GALNT13: variants seen among roughly 807,000 people sequenced by gnomAD.
GALNT13 encodes polypeptide N-acetylgalactosaminyltransferase 13.
In GALNT13, 28 loss-of-function variants were observed where a neutral mutation model predicts 64.2. The observed-to-expected ratio is 0.44, with a 90% CI of 0.32 to 0.60. GALNT13 has a LOEUF of 0.60. GALNT13 is among the 20% of genes least tolerant of loss of function. The pLI is 0.05. For synonymous variants in GALNT13, 214 were observed against 224.6 expected, an observed-to-expected ratio of 0.95 and a Z score of 0.42; for missense variants, 577 against 669.8, an observed-to-expected ratio of 0.86 and a Z score of 1.53.
chr2:153,406,310 A>G, the GALNT13 span, among the ~76,000 whole-genome samples: 1 of 152,168 alleles, frequency 6.6e-6, no homozygotes, highest in African/African-American at 2.4e-5. Context: ...TGAAGTTCAA[A>G]TTTAAAATCT....
the GALNT13 span, among the ~76,000 whole-genome samples, chr2:153,849,894 G>A: frequency 6.6e-6 from 1 of 151,680 alleles, no homozygotes. Flanking sequence ...GGGCGTGGTG[G>A]CTCATGCCTG....
chr2:153,962,942 G>C (rs532197976), intron 3 of GALNT13, among the ~76,000 whole-genome samples: 17 of 152,210 alleles, frequency 1.1e-4, no homozygotes, highest in African/African-American at 4.1e-4. Flanking sequence ...GTGTATCAGC[G>C]GTTCTGTTGC....
intron 4 of GALNT13, among the ~76,000 whole-genome samples, chr2:154,159,766 A>G (rs1335659427): frequency 1.3e-5 from 2 of 152,318 alleles, no homozygotes; most frequent in African/African-American, 4.8e-5. Flanking sequence ...GGATTACTAC[A>G]GTGTGCACTA....
chr2:153,342,881 A>C, the GALNT13 span, among the ~76,000 whole-genome samples: 1 of 152,224 alleles, frequency 6.6e-6, no homozygotes, highest in Non-Finnish European at 1.5e-5. Context: ...AAGACTGTAA[A>C]TATTTTAAAC....
At chr2:153,624,983 C>G in the GALNT13 span, among the ~76,000 whole-genome samples, 2 of 151,738 alleles carry the variant, frequency 1.3e-5, no homozygotes, top group South Asian at 4.2e-4. Context: ...TGAGAAGGCA[C>G]TATGAGAAGA....
chr2:153,417,459 A>G, the GALNT13 span, among the ~76,000 whole-genome samples: 1 of 152,200 alleles, frequency 6.6e-6, no homozygotes, highest in Non-Finnish European at 1.5e-5. Context: ...AGAGAGATGG[A>G]TAAGGAGGAT....
chr2:153,088,254 T>TTATGTA, the GALNT13 span, among the ~76,000 whole-genome samples: 1 of 152,144 alleles, frequency 6.6e-6, no homozygotes, highest in Non-Finnish European at 1.5e-5. Flanking sequence ...TATTTAATTT[T>TTATGTA]TATGTATATG....
chr2:154,121,819 C>T (rs1354289056), intron 3 of GALNT13, among the ~76,000 whole-genome samples: 2 of 151,476 alleles, frequency 1.3e-5, no homozygotes, highest in Admixed American at 6.6e-5. Flanking sequence ...TTATTTCTTT[C>T]TTTCCAATCC....
At chr2:153,182,539 A>G in the GALNT13 span, among the ~76,000 whole-genome samples, 1 of 152,164 alleles carries the variant, frequency 6.6e-6, no homozygotes, top group Non-Finnish European at 1.5e-5. Flanking sequence ...TGCACAGATT[A>G]TCCCAACACC....
the GALNT13 span, among the ~76,000 whole-genome samples, chr2:153,298,913 C>G: frequency 6.6e-6 from 1 of 152,104 alleles, no homozygotes; most frequent in African/African-American, 2.4e-5. Flanking sequence ...ATGAAAATTA[C>G]AGTCACATTT....
At chr2:153,499,650 G>A in the GALNT13 span, among the ~76,000 whole-genome samples, 6 of 152,306 alleles carry the variant, frequency 3.9e-5, no homozygotes, top group Admixed American at 2.0e-4. Context: ...TGTGCTCATC[G>A]CACCCAAATT....
At chr2:153,641,761 A>G in the GALNT13 span, among the ~76,000 whole-genome samples, 1 of 152,158 alleles carries the variant, frequency 6.6e-6, no homozygotes, top group African/African-American at 2.4e-5. Context: ...TTAAGAAAAT[A>G]AAATATTTTC....
chr2:154,374,944 C>T (rs1454883114), intron 9 of GALNT13, among the ~76,000 whole-genome samples: 2 of 152,034 alleles, frequency 1.3e-5, no homozygotes, highest in African/African-American at 4.8e-5. Context: ...CATTCATTTC[C>T]TGGACAGGGA....
chr2:153,411,416 C>T, the GALNT13 span, among the ~76,000 whole-genome samples: 1 of 151,886 alleles, frequency 6.6e-6, no homozygotes, highest in Non-Finnish European at 1.5e-5. Context: ...GGTACCTGAC[C>T]CAGGCTTGAT....
the GALNT13 span, among the ~76,000 whole-genome samples, chr2:153,627,781 G>A: frequency 6.6e-6 from 1 of 152,132 alleles, no homozygotes; most frequent in South Asian, 2.1e-4. Context: ...AAGTCAGGTA[G>A]CGTGATGCCT....
chr2:153,335,922 A>G, the GALNT13 span, among the ~76,000 whole-genome samples: 95,944 of 152,054 alleles, frequency 0.63, 31,188 homozygotes, highest in Non-Finnish European at 0.69. Flanking sequence ...GGGACTTGGT[A>G]CCCTGTGTCC....
At chr2:153,809,876 A>C in the GALNT13 span, among the ~76,000 whole-genome samples, 1 of 151,982 alleles carries the variant, frequency 6.6e-6, no homozygotes, top group Non-Finnish European at 1.5e-5. Context: ...CTCAACCCCT[A>C]TTTTCTCTGT....
At chr2:153,650,402 T>A in the GALNT13 span, among the ~76,000 whole-genome samples, 1 of 139,984 alleles carries the variant, frequency 7.1e-6, no homozygotes, top group Admixed American at 7.8e-5. Context: ...CACTGGTGGA[T>A]CTTGACTCTT....
At chr2:153,741,734 C>A in the GALNT13 span, among the ~76,000 whole-genome samples, 1 of 152,058 alleles carries the variant, frequency 6.6e-6, no homozygotes, top group Non-Finnish European at 1.5e-5. Context: ...TCACCATTTT[C>A]CCTAGAAATG....
Sources: allele counts gnomAD v4.1 joint callset (sites outside exome capture counted in the v4.1 genomes callset), GRCh38; gene constraint gnomAD v4.1.1; transcripts MANE v1.5; gene names NCBI Gene and HGNC (gene_info 2026-07-23, HGNC 2026-07-21).